Variants in PARD3B observed in about 807,000 individuals in gnomAD.
PARD3B encodes par-3 family cell polarity regulator beta.
In PARD3B, 103 loss-of-function variants were observed where a neutral mutation model predicts 130.2. The ratio of observed to expected loss-of-function variants is 0.79; its 90% confidence interval spans 0.67 to 0.93. The LOEUF is 0.93. Ranked by LOEUF, PARD3B falls within the 40% of genes least tolerant of loss-of-function variation. PARD3B has a pLI of 0.00. For missense variants in PARD3B, 1,609 were observed against 1,499.2 expected, an observed-to-expected ratio of 1.07 and a Z score of -1.21; for synonymous variants, 583 against 553.2, an observed-to-expected ratio of 1.05 and a Z score of -0.76.
At chr2:205,221,103 G>A (rs144866993) in intron 15 of PARD3B, among the ~76,000 whole-genome samples, 333 of 152,288 alleles carry the variant, frequency 2.2e-3, no homozygotes, top group South Asian at 7.7e-3. Context: ...CAGTAGCTTT[G>A]TTGTGGAAAA....
At chr2:205,130,227 GT>G (rs1388723047) in intron 10 of PARD3B, among the ~76,000 whole-genome samples, 1 of 152,162 alleles carries the variant, frequency 6.6e-6, no homozygotes, top group Non-Finnish European at 1.5e-5. Context: ...TTTGAGATTA[GT>G]TTTGGTAATA....
At chr2:205,310,719 CTTTTTTT>C (rs34032930) in intron 18 of PARD3B, among the ~76,000 whole-genome samples, 6 of 82,590 alleles carry the variant, frequency 7.3e-5, no homozygotes, top group Non-Finnish European at 1.0e-4. Flanking sequence ...TTCTTTCTTT[CTTTTTTT>C]TTTTTTTTTT....
intron 15 of PARD3B, among the ~76,000 whole-genome samples, chr2:205,215,139 G>C (rs1054374174): frequency 6.6e-6 from 1 of 151,886 alleles, no homozygotes; most frequent in African/African-American, 2.4e-5. Flanking sequence ...ATAAAATGCT[G>C]GTGTGTAAGA....
intron 15 of PARD3B, among the ~76,000 whole-genome samples, chr2:205,228,580 G>A (rs1024759312): frequency 6.6e-6 from 1 of 152,000 alleles, no homozygotes; most frequent in Admixed American, 6.6e-5. Context: ...CTTGTCTTGA[G>A]GTAGTCTTAT....
At position 205,595,420 on chromosome 2, in the gene PARD3B, T is replaced by C. The variant is rs113547481; in HGVS notation, c.3261-20036T>C. 3.7e-3 allele frequency among the ~76,000 whole-genome samples: 560 copies of C among 152,324 alleles called. 2 individuals carry two copies. Among genetic ancestry groups the C allele is most frequent in the African/African-American group, 0.013 (533 of 41,576 alleles). ...TAATGGCTCTTTAGTTTTAAATCAC[T>C]TCAGCATTTACTTTTAATTAATTTC... On this transcript the variant is annotated intron_variant, in intron 22 of 22. Transcript: ENST00000406610.
chr2:205,051,770 C>A (rs1048053536), intron 4 of PARD3B, among the ~76,000 whole-genome samples: 8 of 152,144 alleles, frequency 5.3e-5, no homozygotes, highest in African/African-American at 1.4e-4. Context: ...AAATCAGATT[C>A]TCTGAAAGCT....
At chr2:205,354,976 C>T (rs1306833491) in intron 18 of PARD3B, among the ~76,000 whole-genome samples, 1 of 152,074 alleles carries the variant, frequency 6.6e-6, no homozygotes, top group African/African-American at 2.4e-5. Context: ...AAGAGAGGAG[C>T]CATCTTTGAT....
intron 20 of PARD3B, among the ~76,000 whole-genome samples, chr2:205,442,688 T>G (rs755917201): frequency 5.3e-5 from 8 of 152,208 alleles, no homozygotes; most frequent in Non-Finnish European, 1.2e-4. Flanking sequence ...ACAACCAGCA[T>G]GCATCATCCC....
chr2:204,904,178 A>G (rs1303245288), intron 2 of PARD3B, among the ~76,000 whole-genome samples: 1 of 152,194 alleles, frequency 6.6e-6, no homozygotes, highest in African/African-American at 2.4e-5. Context: ...AGTCTTCATT[A>G]CTTTCCTTTG....
At chr2:205,020,889 G>C (rs144495414) in intron 3 of PARD3B, among the ~76,000 whole-genome samples, 1 of 152,074 alleles carries the variant, frequency 6.6e-6, no homozygotes, top group Non-Finnish European at 1.5e-5. Flanking sequence ...AGGTTAATAC[G>C]AGCAGGCTAA....
At chr2:204,758,890 G>A (rs879756146) in intron 2 of PARD3B, among the ~76,000 whole-genome samples, 3 of 152,058 alleles carry the variant, frequency 2.0e-5, no homozygotes, top group Non-Finnish European at 4.4e-5. Context: ...TTTCTCAAGT[G>A]GCCTTACAAT....
Position 205,564,965 on chromosome 2 carries a change from C to T in PARD3B, c.3260+11562C>T, listed in dbSNP as rs1251857162. Among the ~76,000 whole-genome samples, 4 of 152,126 alleles carry T rather than the reference C, an allele frequency of 2.6e-5. No homozygotes were observed. The South Asian group carries it at 6.2e-4, about 24-fold the overall frequency. ...TGCAATCAGAACTGACCCTTATGGC[C>T]GAACATGGAATGACATGTTAAATAG... On this transcript the variant is annotated intron_variant, in intron 22 of 22. Transcript: ENST00000406610. The surrounding 1 kb of genome is among the most constrained non-coding windows in gnomAD (Gnocchi z 4.6).
chr2:205,500,161 C>T (rs985854915), intron 21 of PARD3B, 130 bp downstream of exon 21: 66 of 1,076,082 alleles, frequency 6.1e-5, no homozygotes, highest in Non-Finnish European at 8.0e-5. Context: ...TAGACAGGAA[C>T]ATTACCCAAA....
chr2:205,388,732 C>T (rs1397879698), intron 18 of PARD3B, among the ~76,000 whole-genome samples: 1 of 152,074 alleles, frequency 6.6e-6, no homozygotes, highest in Non-Finnish European at 1.5e-5. Context: ...GTCTTTTGTT[C>T]AGGCCCCTCT....
rs370830995 is a variant in PARD3B, at chr2:205,207,203, G to C, written c.2140+13883G>C. On this transcript the variant is annotated intron_variant, in intron 15 of 22. Coordinates refer to ENST00000406610, the MANE Select transcript of PARD3B (RefSeq NM_001302769.2). The stretch of plus-strand genomic sequence containing the variant: ...AGACACAACATACCAGAATCTCTGG[G>C]ACGCATTCAAAGCAGTGTGTAGAGG... 1.0e-4 allele frequency among the ~76,000 whole-genome samples: 14 copies of C among 137,326 alleles called. No individual in the cohort carries two copies. The East Asian group carries it at 1.6e-3, about 16-fold the overall frequency. 90.1% of individuals were successfully genotyped at this position (137,326 alleles called of 152,430 possible).
chr2:205,077,538 C>A (rs1172631932), intron 4 of PARD3B, among the ~76,000 whole-genome samples: 5 of 152,160 alleles, frequency 3.3e-5, no homozygotes, highest in Non-Finnish European at 7.4e-5. Flanking sequence ...GAAGTTCATG[C>A]ATTCTGTAGT....
At chr2:205,163,022 T>A (rs1436292684) in intron 11 of PARD3B, among the ~76,000 whole-genome samples, 23 of 152,178 alleles carry the variant, frequency 1.5e-4, no homozygotes, top group Admixed American at 1.5e-3. Flanking sequence ...CCCTAAAGAA[T>A]TACTTTAAAA....
chr2:204,547,127 T>C (rs2125037787), intron 1 of PARD3B, among the ~76,000 whole-genome samples: 1 of 152,350 alleles, frequency 6.6e-6, no homozygotes, highest in South Asian at 2.1e-4. Context: ...TTGGTCAATC[T>C]AGTGATGGAA....
chr2:205,043,051 C>A (rs376552365), intron 3 of PARD3B, among the ~76,000 whole-genome samples: 6 of 151,898 alleles, frequency 4.0e-5, no homozygotes, highest in Admixed American at 2.6e-4. Context: ...AATAATAAGT[C>A]TTTTCTTAAT....
Sources: allele counts gnomAD v4.1 joint callset (sites outside exome capture counted in the v4.1 genomes callset), GRCh38; gene constraint gnomAD v4.1.1; non-coding constraint Gnocchi (gnomAD v3.1); transcripts MANE v1.5; gene names NCBI Gene and HGNC (gene_info 2026-07-23, HGNC 2026-07-21).